Variants in SPATS2 observed in about 807,000 individuals in gnomAD.
The protein encoded by SPATS2 is spermatogenesis-associated serine-rich protein 2.
A neutral mutation model predicts 63.7 loss-of-function variants in SPATS2; 38 were observed. The ratio of observed to expected loss-of-function variants is 0.60; its 90% CI spans 0.46 to 0.78. The LOEUF is 0.78. Ranked by LOEUF, SPATS2 falls within the 30% of genes least tolerant of loss-of-function variation. The pLI, the probability that SPATS2 is intolerant of heterozygous loss-of-function variation, is 0.00. For synonymous variants in SPATS2, 207 were observed against 232.9 expected, an observed-to-expected ratio of 0.89 and a Z score of 1.01; for missense variants, 588 against 666.2, an observed-to-expected ratio of 0.88 and a Z score of 1.29.
intron 2 of SPATS2, among the ~76,000 whole-genome samples, chr12:49,398,135 CAAA>C (rs71080193): frequency 8.8e-5 from 4 of 45,394 alleles, no homozygotes; most frequent in Non-Finnish European, 1.2e-4. Context: ...GACCCTGTCT[CAAA>C]AAAAAAAAAA....
At chr12:49,399,463 AC>A (rs762145088) in intron 2 of SPATS2, among the ~76,000 whole-genome samples, 11 of 152,222 alleles carry the variant, frequency 7.2e-5, no homozygotes, top group Non-Finnish European at 4.4e-5. Context: ...AAGCTGGGAA[AC>A]TACATGAGAA....
intron 3 of SPATS2, chr12:49,469,389 CAAAAA>C (rs779364300): frequency 4.7e-3 from 325 of 68,874 alleles, no homozygotes; most frequent in Middle Eastern, 0.019. Flanking sequence ...GACTCTGTCT[CAAAAA>C]AAAAAAAAAA....
chr12:49,402,944 A>T (rs757737331), intron 2 of SPATS2, among the ~76,000 whole-genome samples: 6 of 152,152 alleles, frequency 3.9e-5, no homozygotes, highest in African/African-American at 7.2e-5. Context: ...AAAAGAGTGA[A>T]GGGACCATTC....
chr12:49,368,799 A>G (rs891505512), intron 1 of SPATS2, among the ~76,000 whole-genome samples: 1 of 152,110 alleles, frequency 6.6e-6, no homozygotes, highest in African/African-American at 2.4e-5. Flanking sequence ...GTGTGCTCCT[A>G]AGTAGTCCAT....
At chr12:49,489,656 AG>A in intron 5 of SPATS2, 83 bp downstream of exon 5, 1 of 1,134,982 alleles carries the variant, frequency 8.8e-7, no homozygotes, top group Non-Finnish European at 1.3e-6. Context: ...TCAGCAATCC[AG>A]TGATTCATAG....
At chr12:49,404,867 T>C (rs1944667276) in intron 2 of SPATS2, among the ~76,000 whole-genome samples, 2 of 152,202 alleles carry the variant, frequency 1.3e-5, no homozygotes, top group Admixed American at 1.3e-4. Flanking sequence ...ATGGTTCTTA[T>C]ACTTTTAAGT....
chr12:49,512,931 G>A (rs1565758995), intron 9 of SPATS2: 4 of 1,286,256 alleles, frequency 3.1e-6, no homozygotes, highest in Non-Finnish European at 4.1e-6. Flanking sequence ...TCTTAGCAAA[G>A]TATTGCTACC....
At chr12:49,522,672 G>GT in intron 11 of SPATS2, 79 bp from the exon 12 acceptor site, 1 of 1,149,144 alleles carries the variant, frequency 8.7e-7, no homozygotes. Context: ...GAAAATGATT[G>GT]TTTAATCTGT....
intron 3 of SPATS2, chr12:49,462,205 C>G: frequency 1.5e-6 from 1 of 655,046 alleles, no homozygotes; most frequent in Admixed American, 2.3e-5. Context: ...CATTGTGAAG[C>G]AGGATATTTC....
intron 2 of SPATS2, among the ~76,000 whole-genome samples, chr12:49,383,291 T>A (rs1944255725): frequency 6.6e-6 from 1 of 152,166 alleles, no homozygotes; most frequent in Admixed American, 6.5e-5. Flanking sequence ...AGTGCTGGGA[T>A]TACAGGTGTG....
At chr12:49,488,993 C>T (rs1212139415) in intron 4 of SPATS2, among the ~76,000 whole-genome samples, 2 of 152,104 alleles carry the variant, frequency 1.3e-5, no homozygotes, top group East Asian at 3.8e-4. Context: ...ATATGCCTAA[C>T]ATAGTTTATA....
In SPATS2 at chr12:49,396,844, G is replaced by A. The variant is rs367563343; in HGVS notation, c.-244+25554G>A. On this transcript the variant is annotated intron_variant, in intron 2 of 13. Transcript: ENST00000552918. The stretch of plus-strand genomic sequence containing the variant: ...CCTAAACTCTTTTGTAACTCCTAGC[G>A]ATTCAGGTATTCATGTGTATCATTT... 4.2e-4 allele frequency among the ~76,000 whole-genome samples: 64 copies of A among 152,256 alleles called. 1 individual carries two copies. In the South Asian group the frequency reaches 0.012, roughly 28 times the overall value.
intron 2 of SPATS2, among the ~76,000 whole-genome samples, chr12:49,407,775 CA>C (rs943189377): frequency 6.6e-5 from 10 of 152,146 alleles, no homozygotes; most frequent in African/African-American, 2.2e-4. Flanking sequence ...TAGGCTAAGA[CA>C]GGGGTTGCCA....
chr12:49,436,486 C>T (rs1270921759), intron 2 of SPATS2, among the ~76,000 whole-genome samples: 41 of 140,168 alleles, frequency 2.9e-4, no homozygotes, highest in African/African-American at 1.1e-3. Context: ...GGCAGAGGCG[C>T]CCCTTACCTC....
intron 8 of SPATS2, among the ~76,000 whole-genome samples, chr12:49,497,995 A>T (rs988217372): frequency 6.6e-6 from 1 of 151,902 alleles, no homozygotes; most frequent in African/African-American, 2.4e-5. Context: ...TATAAAGGAC[A>T]CTTGTAATCA....
At chr12:49,523,993 T>C (rs1409045896) in intron 12 of SPATS2, among the ~76,000 whole-genome samples, 2 of 152,034 alleles carry the variant, frequency 1.3e-5, no homozygotes, top group Non-Finnish European at 2.9e-5. Context: ...GCAGCAATTA[T>C]AAACTCATCA....
intron 9 of SPATS2, among the ~76,000 whole-genome samples, chr12:49,503,389 C>T (rs1316938305): frequency 6.8e-6 from 1 of 147,834 alleles, no homozygotes; most frequent in Admixed American, 6.8e-5. Context: ...GTGGCTCATG[C>T]CTGTAATCCC....
At chr12:49,433,831 T>G (rs1382247681) in intron 2 of SPATS2, among the ~76,000 whole-genome samples, 3 of 152,242 alleles carry the variant, frequency 2.0e-5, no homozygotes, top group African/African-American at 7.2e-5. Context: ...CGTGCACTTT[T>G]GCTGTCATAT....
At chr12:49,399,232 T>C (rs927071274) in intron 2 of SPATS2, among the ~76,000 whole-genome samples, 1 of 152,194 alleles carries the variant, frequency 6.6e-6, no homozygotes. Context: ...ATCAAATAGT[T>C]TTGTAAAGCT....
Sources: gnomAD v4.1 joint callset for allele counts (sites outside exome capture counted in the v4.1 genomes callset) on GRCh38, gnomAD v4.1.1 for gene constraint, MANE v1.5 for transcripts, NCBI Gene and HGNC (gene_info 2026-07-23, HGNC 2026-07-21) for gene names.